NCS1: variants seen among roughly 807,000 people sequenced by gnomAD.
NCS1 encodes neuronal calcium sensor 1.
A neutral mutation model predicts 28.4 loss-of-function variants in NCS1; 6 were observed. That is an observed-to-expected ratio of 0.21 (90% CI 0.12 to 0.42). NCS1 has a LOEUF of 0.42. NCS1 is among the 10% of genes least tolerant of loss of function. The pLI, the probability that NCS1 is intolerant of heterozygous loss-of-function variation, is 1.00. For synonymous variants in NCS1, 86 were observed against 99.3 expected (o/e 0.87, Z 0.79); for missense variants, 131 against 241.4 (o/e 0.54, Z 3.03).
chr9:130,182,221 C>A (rs1016591430), intron 1 of NCS1, among the ~76,000 whole-genome samples: 2 of 152,138 alleles, frequency 1.3e-5, no homozygotes, highest in Non-Finnish European at 2.9e-5. Flanking sequence ...ACGCCCAAGT[C>A]CCCCCAGCCA....
chr9:130,198,404 G>A (rs1179452606), intron 1 of NCS1, among the ~76,000 whole-genome samples: 1 of 152,208 alleles, frequency 6.6e-6, no homozygotes, highest in Non-Finnish European at 1.5e-5. Flanking sequence ...CTGAGACAGT[G>A]GCCATGCCAC....
intron 4 of NCS1, among the ~76,000 whole-genome samples, chr9:130,222,285 G>T (rs1284974637): frequency 4.0e-5 from 6 of 151,488 alleles, no homozygotes; most frequent in African/African-American, 1.2e-4. Context: ...CTCCCAAGTA[G>T]CTGGAACTAC....
At chr9:130,188,364 G>A (rs1180559451) in intron 1 of NCS1, among the ~76,000 whole-genome samples, 1 of 151,590 alleles carries the variant, frequency 6.6e-6, no homozygotes, top group African/African-American at 2.4e-5. Flanking sequence ...CAGGGAGCAC[G>A]CCTGACCCCC....
intron 2 of NCS1, among the ~76,000 whole-genome samples, chr9:130,216,633 T>C (rs376008498): frequency 2.0e-4 from 30 of 151,784 alleles, no homozygotes; most frequent in African/African-American, 6.8e-4. Context: ...GGAGAATCGC[T>C]TGAACCCGGG....
intron 1 of NCS1, among the ~76,000 whole-genome samples, chr9:130,199,633 C>T (rs1477763676): frequency 6.6e-6 from 1 of 152,238 alleles, no homozygotes; most frequent in African/African-American, 2.4e-5. Context: ...GCCATCCTCC[C>T]TCCATGCTGT....
Position 130,181,318 on chromosome 9 carries a change from G to A in NCS1, c.64+8591G>A, listed in dbSNP as rs918426550. On this transcript the variant is annotated intron_variant, in intron 1 of 7. Transcript: ENST00000372398. This position sits in a 1 kb window ranked among gnomAD's most constrained non-coding sequence, Gnocchi z 5.0. Reference sequence around the variant, plus strand: ...GTGTGCGGGGTTAGGAATAACAGACGTTGAACTTGGCGGCTCATCTCGGCC... The same window carrying A: ...GTGTGCGGGGTTAGGAATAACAGACATTGAACTTGGCGGCTCATCTCGGCC... Among the ~76,000 whole-genome samples, 4 of 152,056 alleles carry A rather than the reference G, an allele frequency of 2.6e-5. No individual in the cohort carries two copies. Among genetic ancestry groups the A allele is most frequent in the African/African-American group, 9.7e-5 (4 of 41,386 alleles).
intron 1 of NCS1, among the ~76,000 whole-genome samples, chr9:130,190,916 T>A (rs1832808865): frequency 1.3e-5 from 2 of 152,152 alleles, no homozygotes; most frequent in Non-Finnish European, 2.9e-5. Flanking sequence ...GAAACGGGGC[T>A]TTGATTTTGA....
intron 2 of NCS1, among the ~76,000 whole-genome samples, chr9:130,205,053 T>C (rs1277678849): frequency 6.6e-6 from 1 of 150,562 alleles, no homozygotes; most frequent in Non-Finnish European, 1.5e-5. Flanking sequence ...GGCTGAGAAA[T>C]GTCCTGTGGG....
chr9:130,216,817 C>A (rs1833196854), intron 2 of NCS1, among the ~76,000 whole-genome samples: 1 of 145,548 alleles, frequency 6.9e-6, no homozygotes, highest in African/African-American at 2.5e-5. Flanking sequence ...TCAGGCCCTG[C>A]AAAGCTAATA....
Position 130,177,702 on chromosome 9 carries a change from A to C in NCS1, c.64+4975A>C, listed in dbSNP as rs1201192669. Among the ~76,000 whole-genome samples, 1 of 152,244 alleles carries C rather than the reference A, an allele frequency of 6.6e-6. No homozygotes were observed. The highest frequency in any genetic ancestry group is 2.4e-5 in the African/African-American group (1 of 41,462). The stretch of plus-strand genomic sequence containing the variant: ...CACTCGGCCTTGGTGACCTTGGGGA[A>C]GTCCCTTGGCCTCTCTGAGCACCAG... On this transcript the variant is annotated intron_variant, in intron 1 of 7. Transcript: ENST00000372398. The surrounding 1 kb of genome is among the most constrained non-coding windows in gnomAD (Gnocchi z 4.4).
intron 1 of NCS1, among the ~76,000 whole-genome samples, chr9:130,179,676 A>G (rs1554904974): frequency 6.6e-6 from 1 of 152,218 alleles, no homozygotes; most frequent in Non-Finnish European, 1.5e-5. Flanking sequence ...TCTTGCCAGC[A>G]CTGGGTATTA....
chr9:130,202,050 G>A (rs1160427872), intron 2 of NCS1, among the ~76,000 whole-genome samples: 5 of 152,044 alleles, frequency 3.3e-5, no homozygotes, highest in Admixed American at 2.6e-4. Flanking sequence ...CTTCACACAC[G>A]CCAGCCAGAG....
In NCS1 at chr9:130,178,893, CCCCTG is replaced by C. The variant is rs1278908648; in HGVS notation, c.64+6171_64+6175del. 8.0e-3 allele frequency among the ~76,000 whole-genome samples: 289 copies of C among 35,970 alleles called. 14 individuals are homozygous for C. Among genetic ancestry groups the C allele is most frequent in the African/African-American group, 0.029 (278 of 9,546 alleles). 23.6% of individuals were successfully genotyped at this position (35,970 alleles called of 152,430 possible). On this transcript the variant is annotated intron_variant, in intron 1 of 7. Transcript: ENST00000372398. Reference sequence around the variant, plus strand: ...TCCCCTCCCCTCCCTTCTTTCCCCTCCCCTGCCCTCCCCTCCCCTTCCCTCCCCTT... The same window carrying C: ...TCCCCTCCCCTCCCTTCTTTCCCCTCCCCTCCCCTCCCCTTCCCTCCCCTT...
intron 2 of NCS1, among the ~76,000 whole-genome samples, chr9:130,212,404 G>A (rs1194166638): frequency 6.6e-6 from 1 of 151,444 alleles, no homozygotes; most frequent in African/African-American, 2.4e-5. Flanking sequence ...AGAGGCTGGA[G>A]ATGCTGCTAA....
intron 1 of NCS1, chr9:130,200,289 C>T (rs528474002): frequency 1.3e-5 from 6 of 448,046 alleles, no homozygotes; most frequent in African/African-American, 1.2e-4. Context: ...CTGTACTTTT[C>T]AGAAAAAGCA....
At chr9:130,229,265 CTTTTTTTT>C (rs35011671) in intron 7 of NCS1, among the ~76,000 whole-genome samples, 2 of 141,650 alleles carry the variant, frequency 1.4e-5, no homozygotes, top group Non-Finnish European at 3.1e-5. Context: ...ATTAATATTT[CTTTTTTTT>C]TTTTTTTCCA....
intron 1 of NCS1, among the ~76,000 whole-genome samples, chr9:130,176,305 G>T (rs1490511208): frequency 6.7e-6 from 1 of 150,350 alleles, no homozygotes; most frequent in Non-Finnish European, 1.5e-5. Context: ...CAATCCTCCT[G>T]CCTCAGCCTC....
intron 2 of NCS1, among the ~76,000 whole-genome samples, chr9:130,207,936 C>T (rs1362817623): frequency 7.2e-5 from 11 of 152,200 alleles, no homozygotes; most frequent in African/African-American, 1.9e-4. Flanking sequence ...CAGTATCCCC[C>T]GCTTCCCCAT....
chr9:130,236,513 C>T lies in NCS1; in HGVS notation c.*3541C>T, dbSNP rs1318038220. The T allele has an allele frequency of 3.3e-5, 5 of 150,496 alleles. No individual in the cohort carries two copies. The highest frequency in any genetic ancestry group is 4.9e-5 in the African/African-American group (2 of 40,914). 9.3% of individuals were successfully genotyped at this position (150,496 alleles called of 1,614,324 possible). A position where few individuals can be genotyped will look rare whatever the true frequency, so the allele number is the denominator to read the frequency against. ...CATCCCTGGATAGCAAGTGAATTAA[C>T]TTAAGGGCACTGTGATGGGAAGCCT... is the stretch of plus-strand genomic sequence containing the variant. On this transcript the variant is annotated 3_prime_UTR_variant, in exon 8 of 8. Transcript: ENST00000372398.
Sources: gnomAD v4.1 joint callset for allele counts (sites outside exome capture counted in the v4.1 genomes callset) on GRCh38, gnomAD v4.1.1 for gene constraint, Gnocchi (gnomAD v3.1) non-coding constraint, MANE v1.5 for transcripts, NCBI Gene and HGNC (gene_info 2026-07-23, HGNC 2026-07-21) for gene names.